Variants in RPTOR observed in about 807,000 individuals in gnomAD.
The protein encoded by RPTOR is regulatory associated protein of MTOR complex 1.
A neutral mutation model predicts 169.9 loss-of-function variants in RPTOR; 21 were observed. That is an observed-to-expected ratio of 0.12 (90% CI 0.09 to 0.18). The LOEUF is 0.18. Ranked by LOEUF, RPTOR falls within the 10% of genes least tolerant of loss-of-function variation. RPTOR has a pLI of 1.00. For missense variants in RPTOR, 1,133 were observed against 1,855.9 expected (o/e 0.61, Z 7.16); for synonymous variants, 732 against 753.2 (o/e 0.97, Z 0.46).
At chr17:80,819,337 CAT>C (rs780654364) in intron 7 of RPTOR, among the ~76,000 whole-genome samples, 4 of 152,250 alleles carry the variant, frequency 2.6e-5, no homozygotes, top group Non-Finnish European at 4.4e-5. Context: ...TCTCCTTGCA[CAT>C]GTTTGATGTA....
At chr17:80,797,927 C>T (rs1392072763) in intron 7 of RPTOR, among the ~76,000 whole-genome samples, 1 of 152,168 alleles carries the variant, frequency 6.6e-6, no homozygotes, top group Non-Finnish European at 1.5e-5. Flanking sequence ...GGAAAGCAGC[C>T]GTGCGGTACA....
In RPTOR at chr17:80,726,590, C is replaced by T. The variant is rs1268648417; in HGVS notation, c.508-3970C>T. Among the ~76,000 whole-genome samples, 1 of 152,152 alleles carries T rather than the reference C, an allele frequency of 6.6e-6. No individual in the cohort carries two copies. The highest frequency in any genetic ancestry group is 1.5e-5 in the Non-Finnish European group (1 of 68,044). On this transcript the variant is annotated intron_variant, in intron 4 of 33. Transcript: ENST00000306801. The surrounding 1 kb of genome is among the most constrained non-coding windows in gnomAD (Gnocchi z 4.5). The stretch of plus-strand genomic sequence containing the variant: ...ATATCTTTCATTTCATGCCACTTTG[C>T]AGCCCTGGGACCCTCGGGGTTGTAC...
At chr17:80,877,718 A>G (rs974498536) in intron 13 of RPTOR, among the ~76,000 whole-genome samples, 3 of 152,110 alleles carry the variant, frequency 2.0e-5, no homozygotes, top group Non-Finnish European at 4.4e-5. Flanking sequence ...ACGGCGGTCG[A>G]TGCATCTCAG....
intron 2 of RPTOR, among the ~76,000 whole-genome samples, chr17:80,640,563 A>G (rs1219377981): frequency 1.3e-5 from 2 of 152,178 alleles, no homozygotes; most frequent in Non-Finnish European, 2.9e-5. Context: ...AGCAGCTGAC[A>G]GTGGTTTCAC....
intron 14 of RPTOR, among the ~76,000 whole-genome samples, chr17:80,882,728 T>C (rs2068199450): frequency 6.6e-6 from 1 of 152,146 alleles, no homozygotes. Flanking sequence ...GCACACGTGT[T>C]GGCACATCTA....
chr17:80,964,217 C>CCGGGG, intron 33 of RPTOR, 45 bp from the exon 34 acceptor site: 2 of 1,304,168 alleles, frequency 1.5e-6, no homozygotes, highest in Non-Finnish European at 2.2e-6. Flanking sequence ...CCCGCAGTGT[C>CCGGGG]TGCCCGCACC....
Position 80,721,360 on chromosome 17 carries a change from G to C in RPTOR, c.508-9200G>C, listed in dbSNP as rs1044844316. The stretch of plus-strand genomic sequence containing the variant: ...GTGCAAGCGGGAAAAAGGATGGCAA[G>C]TTGAGTAACCTCAGGGGTAAGCAAG... On this transcript the variant is annotated intron_variant, in intron 4 of 33. Coordinates refer to ENST00000306801, the MANE Select transcript of RPTOR (RefSeq NM_020761.3). This position sits in a 1 kb window ranked among gnomAD's most constrained non-coding sequence, Gnocchi z 4.7. Among the ~76,000 whole-genome samples, 1 of 151,494 alleles carries C rather than the reference G, an allele frequency of 6.6e-6. No homozygotes were observed. The highest frequency in any genetic ancestry group is 6.6e-5 in the Admixed American group (1 of 15,262).
intron 1 of RPTOR, among the ~76,000 whole-genome samples, chr17:80,595,026 G>A (rs1405785994): frequency 6.8e-6 from 1 of 147,094 alleles, no homozygotes; most frequent in Non-Finnish European, 1.5e-5. Flanking sequence ...GGGCTAAGGG[G>A]AACAAGAAGG....
chr17:80,823,641 T>TCACA lies in RPTOR; in HGVS notation c.1136+453_1136+456dup, dbSNP rs3042670. 2,842 of 157,056 alleles carry TCACA rather than the reference T, an allele frequency of 0.018. 37 individuals carry two copies. Among genetic ancestry groups the TCACA allele is most frequent in the Admixed American group, 0.038 (620 of 16,288 alleles). The allele number at this position is 157,056 out of a possible 1,614,324, so 9.7% of individuals were successfully genotyped here. Reference sequence around the variant, plus strand: ...ATCAATTAGTTTTTATGCTTATTTCTCACACACACACACACACACACACAC... The same window carrying TCACA: ...ATCAATTAGTTTTTATGCTTATTTCTCACACACACACACACACACACACACACAC... On this transcript the variant is annotated intron_variant, in intron 9 of 33. Transcript: ENST00000306801. This position sits in a 1 kb window ranked among gnomAD's most constrained non-coding sequence, Gnocchi z 4.5.
intron 3 of RPTOR, among the ~76,000 whole-genome samples, chr17:80,668,884 G>T (rs2065801032): frequency 6.6e-6 from 1 of 152,228 alleles, no homozygotes; most frequent in African/African-American, 2.4e-5. Context: ...CTGTTTTAAA[G>T]GTCAGATTTT....
chr17:80,649,734 A>G (rs544827178), intron 3 of RPTOR, among the ~76,000 whole-genome samples: 3 of 152,234 alleles, frequency 2.0e-5, no homozygotes, highest in Non-Finnish European at 4.4e-5. Context: ...CAATGTTTTT[A>G]CTTATATTTT....
chr17:80,828,938 A>C (rs2067474099), intron 9 of RPTOR, among the ~76,000 whole-genome samples: 1 of 152,262 alleles, frequency 6.6e-6, no homozygotes, highest in South Asian at 2.1e-4. Context: ...AAATTGCATC[A>C]GCAATATAGT....
At chr17:80,768,514 G>A (rs991047850) in intron 6 of RPTOR, among the ~76,000 whole-genome samples, 5 of 152,164 alleles carry the variant, frequency 3.3e-5, no homozygotes, top group Non-Finnish European at 7.3e-5. Context: ...TGTAATCCTC[G>A]GAAATCAGCT....
intron 13 of RPTOR, among the ~76,000 whole-genome samples, chr17:80,867,565 G>A (rs2068006977): frequency 6.6e-6 from 1 of 152,176 alleles, no homozygotes; most frequent in Non-Finnish European, 1.5e-5. Flanking sequence ...AGGCATTCAA[G>A]TTCAAAAGGA....
At chr17:80,846,968 C>T (rs529339327) in intron 11 of RPTOR, among the ~76,000 whole-genome samples, 17 of 152,364 alleles carry the variant, frequency 1.1e-4, no homozygotes, top group Non-Finnish European at 1.9e-4. Context: ...AGCAGGCTCT[C>T]GACACCACTG....
chr17:80,922,616 G>T, intron 21 of RPTOR, 108 bp from the exon 22 acceptor site: 1 of 891,332 alleles, frequency 1.1e-6, no homozygotes, highest in Non-Finnish European at 1.8e-6. Context: ...TCGGCCAAAG[G>T]CCTTTTCTGT....
intron 24 of RPTOR, among the ~76,000 whole-genome samples, chr17:80,930,189 G>GCTCATCCCCAC (rs2068862293): frequency 5.1e-4 from 11 of 21,418 alleles, no homozygotes; most frequent in South Asian, 3.3e-3. Flanking sequence ...CTCATCCCCA[G>GCTCATCCCCAC]CTCATGCCCA....
intron 6 of RPTOR, among the ~76,000 whole-genome samples, chr17:80,788,453 TAAATA>T (rs2067015693): frequency 6.6e-6 from 1 of 151,956 alleles, no homozygotes; most frequent in Non-Finnish European, 1.5e-5. Context: ...GTCTCAAAAA[TAAATA>T]AAATAAATAA....
rs147987705 is a variant in RPTOR at position 80,707,314 on chromosome 17, CTTGT to C, written c.349-524_349-521del. The stretch of plus-strand genomic sequence containing the variant: ...TGGTGTTGCCATGTGACAGGCATTA[CTTGT>C]TTATCTCATTGTTGTTCCTAGTAGT... On this transcript the variant is annotated intron_variant, in intron 3 of 33. Transcript: ENST00000306801. The surrounding 1 kb of genome is among the most constrained non-coding windows in gnomAD (Gnocchi z 5.0). 0.014 allele frequency among the ~76,000 whole-genome samples: 2,134 copies of C among 152,306 alleles called. 52 individuals are homozygous for C. Among genetic ancestry groups the C allele is most frequent in the African/African-American group, 0.049 (2,030 of 41,546 alleles).
Sources: gnomAD v4.1 joint callset for allele counts (sites outside exome capture counted in the v4.1 genomes callset) on GRCh38, gnomAD v4.1.1 for gene constraint, Gnocchi (gnomAD v3.1) non-coding constraint, MANE v1.5 for transcripts, NCBI Gene and HGNC (gene_info 2026-07-23, HGNC 2026-07-21) for gene names.